ATRX: variants seen among roughly 807,000 people sequenced by gnomAD.
ATRX encodes chromatin remodeler ATRX.
In ATRX, 12 loss-of-function variants were observed where a neutral mutation model predicts 172.6. The observed-to-expected ratio is 0.07, with a 90% CI of 0.04 to 0.11. ATRX has a LOEUF of 0.11. ATRX is among the 10% of genes least tolerant of loss of function. The pLI is 1.00. For synonymous variants in ATRX, 674 were observed against 594.7 expected, an observed-to-expected ratio of 1.13 and a Z score of -1.94; for missense variants, 1,368 against 1,767.4, an observed-to-expected ratio of 0.77 and a Z score of 4.05.
chrX:77,752,644 A>G (rs1474398890), intron 1 of ATRX, among the ~76,000 whole-genome samples: 9 of 111,960 alleles, frequency 8.0e-5, no homozygotes, highest in Non-Finnish European at 1.5e-4. Flanking sequence ...ATGTTCCATC[A>G]ATACGTAATT....
At chrX:77,656,841 GT>G (rs1390750609) in intron 12 of ATRX, among the ~76,000 whole-genome samples, 188 bp from the exon 13 acceptor site, 1 of 111,630 alleles carries the variant, frequency 9.0e-6, no homozygotes. Context: ...AAATTCAGAT[GT>G]ATTTCTAATG....
At chrX:77,678,236 GAGACAGAC>G (rs10639778) in intron 9 of ATRX, among the ~76,000 whole-genome samples, 5 of 102,798 alleles carry the variant, frequency 4.9e-5, no homozygotes, top group Non-Finnish European at 9.9e-5. Context: ...AAAAAAAAAA[GAGACAGAC>G]AGAGAGAGAG....
chrX:77,627,924 T>A (rs1450287685), intron 19 of ATRX, among the ~76,000 whole-genome samples: 1 of 111,285 alleles, frequency 9.0e-6, no homozygotes, highest in Admixed American at 9.6e-5. Context: ...TGTTACCTTA[T>A]ATACTTTCTA....
At chrX:77,752,941 G>T (rs2075357159) in intron 1 of ATRX, among the ~76,000 whole-genome samples, 1 of 111,468 alleles carries the variant, frequency 9.0e-6, no homozygotes, top group Admixed American at 9.6e-5. Context: ...TTTTGGTTGT[G>T]TCTCTGACAG....
intron 34 of ATRX, among the ~76,000 whole-genome samples, chrX:77,514,396 G>C (rs1035915339): frequency 2.7e-5 from 3 of 111,844 alleles, no homozygotes; most frequent in African/African-American, 9.8e-5. Context: ...GTGTGGTACT[G>C]GTACAAAAAG....
At chrX:77,596,494 T>C (rs2066472339) in intron 25 of ATRX, 2 of 111,261 alleles carry the variant, frequency 1.8e-5, no homozygotes. Context: ...ACTATACACG[T>C]ATATAAGCTA....
intron 1 of ATRX, among the ~76,000 whole-genome samples, chrX:77,719,877 T>G (rs1194224463): frequency 2.4e-4 from 27 of 111,771 alleles, no homozygotes; most frequent in African/African-American, 8.8e-4. Context: ...CAACAGAATA[T>G]ACATTCTTCT....
chrX:77,748,637 A>G (rs1303694367), intron 1 of ATRX, among the ~76,000 whole-genome samples: 1 of 107,638 alleles, frequency 9.3e-6, no homozygotes, highest in Non-Finnish European at 1.9e-5. Context: ...CCCAGACTGG[A>G]GTGCAGTGGT....
intron 26 of ATRX, among the ~76,000 whole-genome samples, chrX:77,593,022 G>A (rs781951167): frequency 1.8e-5 from 2 of 108,617 alleles, no homozygotes; most frequent in African/African-American, 6.7e-5. Context: ...TCAAGAGTTC[G>A]AGATCAGCCT....
At position 77,775,719 on chromosome X, in the gene ATRX, A is replaced by C. The variant is rs782089529; in HGVS notation, c.20+10263T>G. On this transcript the variant is annotated intron_variant, in intron 1 of 34. Transcript: ENST00000373344. ...CAAAAATTAAAAACAATAATTCTTTATTTATTTATTTATTTATTTATTTAT... is the reference window on the plus strand; with the variant it reads ...CAAAAATTAAAAACAATAATTCTTTCTTTATTTATTTATTTATTTATTTAT... Among the ~76,000 whole-genome samples, 422 of 104,990 alleles carry C rather than the reference A, an allele frequency of 4.0e-3. 3 individuals carry two copies. Among genetic ancestry groups the C allele is most frequent in the African/African-American group, 0.013 (356 of 28,346 alleles). The allele number at this position is 104,990 out of a possible 115,157, so 91.2% of individuals were successfully genotyped here. A position where few individuals can be genotyped will look rare whatever the true frequency, so the allele number is the denominator to read the frequency against.
At chrX:77,564,162 G>A (rs782262379) in intron 28 of ATRX, among the ~76,000 whole-genome samples, 20 of 111,541 alleles carry the variant, frequency 1.8e-4, no homozygotes, top group Non-Finnish European at 3.4e-4. Context: ...TTTATCAGCT[G>A]CATGGGCATC....
chrX:77,616,365 A>G (rs2067357270), intron 22 of ATRX: 1 of 986,101 alleles, frequency 1.0e-6, no homozygotes, highest in East Asian at 4.2e-5. Flanking sequence ...TCTGAAATAA[A>G]AGCTCTTTAC....
chrX:77,771,166 A>G (rs1557198869), intron 1 of ATRX, among the ~76,000 whole-genome samples: 1 of 111,065 alleles, frequency 9.0e-6, no homozygotes. Context: ...TCACAAGGTC[A>G]GGAGTTCTGA....
At chrX:77,556,279 G>A (rs1166807286) in intron 30 of ATRX, among the ~76,000 whole-genome samples, 112 of 60,673 alleles carry the variant, frequency 1.8e-3, no homozygotes, top group African/African-American at 7.5e-3. Context: ...GGGAGAGAGG[G>A]AGAGGGAGAG....
chrX:77,592,629 A>G (rs1374029574), intron 26 of ATRX, among the ~76,000 whole-genome samples: 3 of 105,751 alleles, frequency 2.8e-5, no homozygotes, highest in African/African-American at 6.9e-5. Context: ...CCTGACCAAC[A>G]TGGAGAAACC....
At chrX:77,752,610 A>C (rs1363947915) in intron 1 of ATRX, among the ~76,000 whole-genome samples, 1 of 112,081 alleles carries the variant, frequency 8.9e-6, no homozygotes, top group Non-Finnish European at 1.9e-5. Flanking sequence ...GGGTTGTCAT[A>C]AATAGCTCTT....
intron 22 of ATRX, among the ~76,000 whole-genome samples, chrX:77,610,496 T>A (rs1225997763): frequency 2.7e-5 from 3 of 111,719 alleles, no homozygotes; most frequent in Non-Finnish European, 5.6e-5. Context: ...TCAGAAGAGC[T>A]GATAAATGTC....
At chrX:77,513,909 T>G (rs781961486) in intron 34 of ATRX, among the ~76,000 whole-genome samples, 1 of 111,032 alleles carries the variant, frequency 9.0e-6, no homozygotes, top group Non-Finnish European at 1.9e-5. Context: ...TTCAGCAATA[T>G]CTCAGGGTAC....
chrX:77,645,329 A>G (rs2068858110), intron 15 of ATRX, among the ~76,000 whole-genome samples: 1 of 111,215 alleles, frequency 9.0e-6, no homozygotes. Context: ...TGTAAAGACA[A>G]GGTCTCACTA....
Sources: allele counts gnomAD v4.1 joint callset (sites outside exome capture counted in the v4.1 genomes callset), GRCh38; gene constraint gnomAD v4.1.1; transcripts MANE v1.5; gene names NCBI Gene and HGNC (gene_info 2026-07-23, HGNC 2026-07-21).